Variants in PDE10A observed in about 807,000 individuals in gnomAD.
PDE10A encodes cAMP and cAMP-inhibited cGMP 3',5'-cyclic phosphodiesterase 10A.
A neutral mutation model predicts 97.7 loss-of-function variants in PDE10A; 39 were observed. The observed-to-expected ratio is 0.40, with a 90% CI of 0.31 to 0.52. The LOEUF (loss-of-function observed/expected upper bound fraction) is 0.52, where lower values mean the gene tolerates loss of function less well. PDE10A is among the 20% of genes least tolerant of loss of function. The pLI is 0.56. For synonymous variants in PDE10A, 371 were observed against 376.8 expected (o/e 0.98, Z 0.18); for missense variants, 731 against 1,047.8 (o/e 0.70, Z 4.17).
rs77100843 is a variant in PDE10A, at chr6:165,917,108, C to A, written c.-615+70421G>T. Among the ~76,000 whole-genome samples the A allele has an allele frequency of 7.5e-3, 1,135 of 152,240 alleles. 14 individuals carry two copies. The highest frequency in any genetic ancestry group is 0.024 in the African/African-American group (1,002 of 41,520). On this transcript the variant is annotated intron_variant, in intron 1 of 19. Coordinates refer to the PDE10A transcript ENST00000366882. ...TCTGAAATTCCTTTGGATTTCCTTC[C>A]ACGGTGGCAACAGGGAGCAGTGGTT...
At chr6:165,371,372 G>A (rs991870562) in intron 18 of PDE10A, among the ~76,000 whole-genome samples, 9 of 151,962 alleles carry the variant, frequency 5.9e-5, no homozygotes, top group Non-Finnish European at 1.0e-4. Flanking sequence ...TCAAATAGAC[G>A]CAATAAAAAA....
chr6:165,441,711 G>A (rs988455593), intron 5 of PDE10A, among the ~76,000 whole-genome samples: 2 of 152,164 alleles, frequency 1.3e-5, no homozygotes, highest in Admixed American at 6.5e-5. Context: ...TGAACAATGC[G>A]GGTACAGGAG....
chr6:165,842,486 G>A (rs115152856), intron 1 of PDE10A, among the ~76,000 whole-genome samples: 2,149 of 152,318 alleles, frequency 0.014, 48 homozygotes, highest in African/African-American at 0.047. Context: ...CAGCAGCCCA[G>A]CACCCACTGA....
At chr6:165,962,055 C>T (rs1048888251) in intron 1 of PDE10A, among the ~76,000 whole-genome samples, 2 of 152,166 alleles carry the variant, frequency 1.3e-5, no homozygotes, top group Admixed American at 1.3e-4. Flanking sequence ...GATAGAAACA[C>T]GAGGAAATCG....
chr6:165,421,200 G>A lies in PDE10A; in HGVS notation c.1654-2423C>T, dbSNP rs571097456. Among the ~76,000 whole-genome samples, 217 of 152,278 alleles carry A rather than the reference G, an allele frequency of 1.4e-3. 2 individuals carry two copies. Among genetic ancestry groups the A allele is most frequent in the African/African-American group, 5.0e-3 (209 of 41,542 alleles). On this transcript the variant is annotated intron_variant, in intron 10 of 21. Transcript: ENST00000539869. ...CTCATGCCTGTAATCCCAGCACTTT[G>A]GGAGACTGAGATGGGCAGATCTCTT...
intron 3 of PDE10A, among the ~76,000 whole-genome samples, chr6:165,476,973 T>C (rs1248006272): frequency 1.3e-5 from 2 of 152,202 alleles, no homozygotes; most frequent in Non-Finnish European, 2.9e-5. Flanking sequence ...GAAATCTTTT[T>C]GACTTAGGAG....
intron 1 of PDE10A, among the ~76,000 whole-genome samples, chr6:165,755,754 G>C (rs933868331): frequency 5.4e-4 from 79 of 145,814 alleles, no homozygotes; most frequent in Non-Finnish European, 1.1e-3. Flanking sequence ...GCATGACCAG[G>C]TACAGCCCCT....
At chr6:165,786,487 G>A (rs1205911205) in intron 1 of PDE10A, among the ~76,000 whole-genome samples, 1 of 152,148 alleles carries the variant, frequency 6.6e-6, no homozygotes, top group African/African-American at 2.4e-5. Context: ...ACCTGTGAGG[G>A]GTAAAGAAGC....
intron 1 of PDE10A, among the ~76,000 whole-genome samples, chr6:165,971,067 G>A (rs1784655537): frequency 6.6e-6 from 1 of 152,028 alleles, no homozygotes; most frequent in African/African-American, 2.4e-5. Context: ...AGAATCTCTT[G>A]AACCTGGGAG....
chr6:165,818,015 T>C (rs776932798), intron 1 of PDE10A, among the ~76,000 whole-genome samples: 4 of 152,334 alleles, frequency 2.6e-5, no homozygotes, highest in South Asian at 4.1e-4. Flanking sequence ...CACGGTGGCA[T>C]GTAGCTCTCA....
intron 12 of PDE10A, among the ~76,000 whole-genome samples, chr6:165,414,657 C>A (rs2128228279): frequency 6.6e-6 from 1 of 152,300 alleles, no homozygotes; most frequent in African/African-American, 2.4e-5. Flanking sequence ...ACTGTAGCAC[C>A]ATATGTTTTC....
At chr6:165,839,785 T>TCCGCAA (rs1780170665) in intron 1 of PDE10A, among the ~76,000 whole-genome samples, 1 of 29,206 alleles carries the variant, frequency 3.4e-5, no homozygotes, top group Non-Finnish European at 7.4e-5. Flanking sequence ...TCTGCATCTG[T>TCCGCAA]CTCCATCCCC....
At chr6:165,941,223 A>G (rs1299621823) in intron 1 of PDE10A, among the ~76,000 whole-genome samples, 1 of 152,232 alleles carries the variant, frequency 6.6e-6, no homozygotes, top group Admixed American at 6.5e-5. Flanking sequence ...TGATACCAGT[A>G]AAACACTTAG....
At chr6:165,346,821 A>C (rs1195284723) in intron 18 of PDE10A, among the ~76,000 whole-genome samples, 1 of 152,186 alleles carries the variant, frequency 6.6e-6, no homozygotes, top group Non-Finnish European at 1.5e-5. Context: ...GATTATTTGA[A>C]ATTTCTTTTG....
At chr6:165,639,898 T>C (rs1372629749) in intron 1 of PDE10A, among the ~76,000 whole-genome samples, 1 of 151,990 alleles carries the variant, frequency 6.6e-6, no homozygotes, top group African/African-American at 2.4e-5. Context: ...GGAGACCTTG[T>C]CTTCTATAGA....
chr6:165,755,361 A>C (rs987820121), intron 1 of PDE10A, among the ~76,000 whole-genome samples: 2 of 152,244 alleles, frequency 1.3e-5, no homozygotes, highest in Non-Finnish European at 2.9e-5. Flanking sequence ...GCTAAATTAA[A>C]GCTGCTTGTA....
At chr6:165,952,840 CTTA>C (rs981979627) in intron 1 of PDE10A, among the ~76,000 whole-genome samples, 10 of 125,492 alleles carry the variant, frequency 8.0e-5, no homozygotes, top group African/African-American at 2.7e-4. Context: ...TCCTCAGCCA[CTTA>C]TTATTTTTAT....
intron 1 of PDE10A, among the ~76,000 whole-genome samples, chr6:165,634,942 G>A (rs537614424): frequency 9.3e-4 from 141 of 152,350 alleles, no homozygotes; most frequent in African/African-American, 3.3e-3. Flanking sequence ...TCCCTGGCCT[G>A]TGTTCATTTA....
intron 1 of PDE10A, among the ~76,000 whole-genome samples, chr6:165,739,955 T>G (rs1460557998): frequency 1.3e-5 from 2 of 152,028 alleles, no homozygotes; most frequent in Non-Finnish European, 2.9e-5. Flanking sequence ...AAGACAAAAA[T>G]TAGCAAGTAT....
Sources: allele counts gnomAD v4.1 joint callset (sites outside exome capture counted in the v4.1 genomes callset), GRCh38; gene constraint gnomAD v4.1.1; transcripts MANE v1.5; gene names NCBI Gene and HGNC (gene_info 2026-07-23, HGNC 2026-07-21).